Variants in SDK1 observed in about 807,000 individuals in gnomAD.
SDK1 encodes protein sidekick-1.
Under a neutral mutation model 245.5 loss-of-function variants are expected in SDK1, and 157 were observed. The ratio of observed to expected loss-of-function variants is 0.64; its 90% CI spans 0.56 to 0.73. The LOEUF is 0.73. SDK1 is among the 30% of genes least tolerant of loss of function. SDK1 has a pLI of 0.00. For synonymous variants in SDK1, 1,647 were observed against 1,278.5 expected (o/e 1.29, Z -6.15); for missense variants, 3,583 against 3,002.3 (o/e 1.19, Z -4.52).
At chr7:3,469,939 A>G (rs1400344237) in intron 1 of SDK1, among the ~76,000 whole-genome samples, 1 of 152,222 alleles carries the variant, frequency 6.6e-6, no homozygotes, top group Non-Finnish European at 1.5e-5. Flanking sequence ...TATAGATTGC[A>G]GAGATTTGCT....
intron 4 of SDK1, among the ~76,000 whole-genome samples, chr7:3,783,786 A>G (rs1361139978): frequency 2.6e-5 from 4 of 152,236 alleles, no homozygotes; most frequent in African/African-American, 9.6e-5. Flanking sequence ...TACCAAAACC[A>G]ACCCTACCAA....
At chr7:3,345,781 A>G (rs1470178601) in intron 1 of SDK1, among the ~76,000 whole-genome samples, 5 of 152,116 alleles carry the variant, frequency 3.3e-5, no homozygotes, top group Non-Finnish European at 7.4e-5. Context: ...ATGTTGTTCC[A>G]TGAAATTTGA....
intron 23 of SDK1, among the ~76,000 whole-genome samples, chr7:4,111,578 TCCTTCA>T (rs1783353812): frequency 6.6e-6 from 1 of 151,806 alleles, no homozygotes; most frequent in Admixed American, 6.6e-5. Context: ...CATTTTAACA[TCCTTCA>T]GGAGCTTAGA....
intron 4 of SDK1, among the ~76,000 whole-genome samples, chr7:3,780,010 T>A (rs1047890743): frequency 2.7e-5 from 4 of 150,596 alleles, no homozygotes; most frequent in African/African-American, 9.8e-5. Flanking sequence ...AGCCTCAGTC[T>A]CTACTCCCCT....
chr7:3,503,124 G>A (rs1782271558), intron 1 of SDK1, among the ~76,000 whole-genome samples: 1 of 152,072 alleles, frequency 6.6e-6, no homozygotes, highest in African/African-American at 2.4e-5. Flanking sequence ...CTGCAATCTT[G>A]TCCTCCTCTG....
intron 4 of SDK1, among the ~76,000 whole-genome samples, chr7:3,800,350 T>TTTAC (rs1192541356): frequency 4.5e-4 from 68 of 151,616 alleles, no homozygotes; most frequent in East Asian, 1.7e-3. Flanking sequence ...ATCGCCATCT[T>TTTAC]TTACTTACTT....
chr7:3,929,609 G>T (rs1779902913), intron 5 of SDK1, among the ~76,000 whole-genome samples: 1 of 152,166 alleles, frequency 6.6e-6, no homozygotes, highest in Non-Finnish European at 1.5e-5. Flanking sequence ...ACAAAATGTT[G>T]ATTGAAGTGT....
At chr7:4,097,529 A>G (rs892479843) in intron 22 of SDK1, among the ~76,000 whole-genome samples, 1 of 152,196 alleles carries the variant, frequency 6.6e-6, no homozygotes, top group African/African-American at 2.4e-5. Flanking sequence ...AGACAGATAT[A>G]TTGGGCCGCC....
At chr7:3,559,396 A>G (rs1334943902) in intron 1 of SDK1, among the ~76,000 whole-genome samples, 2 of 151,980 alleles carry the variant, frequency 1.3e-5, no homozygotes, top group African/African-American at 4.8e-5. Flanking sequence ...GCTTGGATCC[A>G]TTTCCAGGAA....
At chr7:4,046,938 AC>A (rs1285521309) in intron 17 of SDK1, among the ~76,000 whole-genome samples, 4 of 151,624 alleles carry the variant, frequency 2.6e-5, no homozygotes. Flanking sequence ...GGGAGAATTG[AC>A]CTCTTTACTG....
chr7:3,987,652 G>T (rs1261429584), intron 14 of SDK1, among the ~76,000 whole-genome samples: 1 of 152,172 alleles, frequency 6.6e-6, no homozygotes, highest in Non-Finnish European at 1.5e-5. Flanking sequence ...CCACCTGGGT[G>T]ACTTGAGAGT....
intron 22 of SDK1, 143 bp from the exon 23 acceptor site, chr7:4,110,520 G>T (rs1355630203): frequency 7.8e-6 from 5 of 643,794 alleles, no homozygotes; most frequent in Non-Finnish European, 1.4e-5. Flanking sequence ...AGAGGGGGTT[G>T]TGCAGGACTC....
At chr7:3,982,125 A>G (rs911119790) in intron 13 of SDK1, among the ~76,000 whole-genome samples, 3 of 152,220 alleles carry the variant, frequency 2.0e-5, no homozygotes, top group East Asian at 1.9e-4. Context: ...TGAAAATCTT[A>G]GGGCTCTTAA....
chr7:3,962,307 G>C (rs1781764410), intron 8 of SDK1, among the ~76,000 whole-genome samples: 1 of 152,206 alleles, frequency 6.6e-6, no homozygotes, highest in Non-Finnish European at 1.5e-5. Flanking sequence ...TGGCTGAGTA[G>C]GGCACTGCAG....
chr7:3,830,609 C>A lies in SDK1; in HGVS notation c.847+9026C>A, dbSNP rs572271297. The stretch of plus-strand genomic sequence containing the variant: ...CTCCTGGGCTCAAGCGATCCTCCCA[C>A]CCCAGCCTCCTGATTAGCTGGGACT... On this transcript the variant is annotated intron_variant, in intron 5 of 44. Coordinates refer to ENST00000404826, the MANE Select transcript of SDK1 (RefSeq NM_152744.4). Among the ~76,000 whole-genome samples, 4 of 152,268 alleles carry A rather than the reference C, an allele frequency of 2.6e-5. No homozygotes were observed. In the South Asian group the frequency reaches 8.3e-4, roughly 32 times the overall value.
At chr7:4,040,297 A>G (rs939170400) in intron 17 of SDK1, among the ~76,000 whole-genome samples, 2 of 152,092 alleles carry the variant, frequency 1.3e-5, no homozygotes, top group Non-Finnish European at 2.9e-5. Flanking sequence ...AGGTTCCCCC[A>G]CCGTGGTTGC....
chr7:4,006,906 G>A (rs1785525109), intron 14 of SDK1, among the ~76,000 whole-genome samples: 1 of 152,226 alleles, frequency 6.6e-6, no homozygotes, highest in African/African-American at 2.4e-5. Flanking sequence ...CAGGCTGGCG[G>A]GATGGGGCCG....
intron 27 of SDK1, 25 bp from the exon 28 acceptor site, chr7:4,132,300 G>A: frequency 1.3e-6 from 2 of 1,578,014 alleles, no homozygotes; most frequent in Non-Finnish European, 1.7e-6. Context: ...CTTGAGATCT[G>A]AATCCCTGTG....
intron 4 of SDK1, among the ~76,000 whole-genome samples, chr7:3,741,960 C>G (rs1779486276): frequency 7.0e-6 from 1 of 142,976 alleles, no homozygotes; most frequent in Admixed American, 7.1e-5. Context: ...TTTTGAGTGG[C>G]AATTTGTGTT....
Sources: allele counts gnomAD v4.1 joint callset (sites outside exome capture counted in the v4.1 genomes callset), GRCh38; gene constraint gnomAD v4.1.1; transcripts MANE v1.5; gene names NCBI Gene and HGNC (gene_info 2026-07-23, HGNC 2026-07-21).